Variants in ZNF628 observed in about 807,000 individuals in gnomAD.
ZNF628 encodes zinc finger protein Zec.
In ZNF628, 3 loss-of-function variants were observed where a neutral mutation model predicts 2.5. The observed-to-expected ratio is 1.19, with a 90% CI of 0.54 to 3.07. ZNF628 has a LOEUF of 3.07. Ranked by LOEUF, ZNF628 falls within the 30% of genes most tolerant of loss-of-function variation. ZNF628 has a pLI of 0.03. For missense variants in ZNF628, 1,610 were observed against 1,517.1 expected (o/e 1.06, Z -1.02); for synonymous variants, 861 against 717.1 (o/e 1.20, Z -3.21).
At chr19:55,477,034 A>G (rs1271173263) in intron 1 of ZNF628, among the ~76,000 whole-genome samples, 1 of 152,224 alleles carries the variant, frequency 6.6e-6, no homozygotes, top group Non-Finnish European at 1.5e-5. Context: ...TTTCTGACTT[A>G]AAACAATGTT....
chr19:55,483,544 T>C lies in ZNF628; in HGVS notation c.2351T>C (p.Val784Ala), dbSNP rs1245899568. ...CTGCCAGGCCCTGGGGGTCTAGGGG[T>C]GCAGGGAGCGGCCAGCGCTGGGGCC... ...VWLPGPGGLGVQGAASAGASG... is the reference protein window; with the variant it reads ...VWLPGPGGLGAQGAASAGASG... The change falls in exon 3 of 3, where the codon GTG (valine) becomes GCG (alanine). Residue 784 changes from valine to alanine, a missense_variant. By Grantham distance (64) the Val-to-Ala change is moderately conservative (BLOSUM62 0). Transcript: ENST00000598519. 2.0e-5 allele frequency: 32 copies of C among 1,582,832 alleles called. 1 individual carries two copies. In the Admixed American group the frequency reaches 5.5e-4, roughly 27 times the overall value.
At position 55,481,808 on chromosome 19, in the gene ZNF628, C is replaced by G. The variant is rs1186944415; in HGVS notation, c.615C>G (p.Arg205=). 1.2e-6 allele frequency: 2 copies of G among 1,600,238 alleles called. No individual in the cohort carries two copies. ...QRVHTGERPF[R]CPLCPKTFTH... ...TGCACACGGGCGAGCGGCCCTTCCG[C>G]TGCCCGCTCTGCCCCAAGACCTTCA... The change falls in exon 3 of 3, where the codon CGC becomes CGG. Residue 205 remains arginine, a synonymous_variant. Transcript: ENST00000598519.
rs1986644030 is a variant in ZNF628, at chr19:55,479,359, G to A, written c.-77-475G>A. 6.6e-6 allele frequency among the ~76,000 whole-genome samples: 1 copy of A among 152,366 alleles called. No homozygotes were observed. The highest frequency in any genetic ancestry group is 2.1e-4 in the South Asian group (1 of 4,826). ...GAAAGAGCGGGCTGACACTTGAGCT[G>A]CTCTGCTGTGAAGGAATGGAGAAAC... On this transcript the variant is annotated intron_variant, in intron 1 of 2. Transcript: ENST00000598519. The surrounding 1 kb of genome is among the most constrained non-coding windows in gnomAD (Gnocchi z 5.1).
chr19:55,479,403 G>T lies in ZNF628; in HGVS notation c.-77-431G>T, dbSNP rs1568465841. Among the ~76,000 whole-genome samples, 1 of 152,234 alleles carries T rather than the reference G, an allele frequency of 6.6e-6. No individual in the cohort carries two copies. Among genetic ancestry groups the T allele is most frequent in the African/African-American group, 2.4e-5 (1 of 41,448 alleles). On this transcript the variant is annotated intron_variant, in intron 1 of 2. Transcript: ENST00000598519. The surrounding 1 kb of genome is among the most constrained non-coding windows in gnomAD (Gnocchi z 5.1). ...GAGAAACGAGTCTGCAGCTGGACAG[G>T]GAAGTGGAGTGAAGAGCTTTTTGGT...
rs1466043349 is a variant in ZNF628, at chr19:55,482,468, G to A, written c.1275G>A (p.Glu425=). 2.8e-6 allele frequency: 4 copies of A among 1,424,580 alleles called. No homozygotes were observed. Among genetic ancestry groups the A allele is most frequent in the Admixed American group, 2.9e-5 (1 of 34,476 alleles). The allele number at this position is 1,424,580 out of a possible 1,614,324, so 88.2% of individuals were successfully genotyped here. A position where few individuals can be genotyped will look rare whatever the true frequency, so the allele number is the denominator to read the frequency against. Residue 425 remains glutamate, a synonymous_variant, in exon 3 of 3, where the codon GAG becomes GAA. Transcript: ENST00000598519. ...GRPPPQAEAA[E]VTCPQEPLAP... ...CGCCCCCGCAGGCTGAGGCTGCGGA[G>A]GTGACCTGCCCCCAGGAACCGCTGG...
Position 55,481,868 on chromosome 19 carries a change from G to C in ZNF628, c.675G>C (p.Thr225=). ...HSSNLLLHQR[T]HGAAPAPGTA... is the part of the protein sequence containing the mutation. Reference sequence around the variant, plus strand: ...CCAACCTGCTGCTGCACCAGCGCACGCACGGCGCCGCCCCCGCCCCGGGTA... The same window carrying C: ...CCAACCTGCTGCTGCACCAGCGCACCCACGGCGCCGCCCCCGCCCCGGGTA... The change falls in exon 3 of 3, where the codon ACG becomes ACC. Residue 225 remains threonine (T), a synonymous_variant. Transcript: ENST00000598519. 2 of 1,559,992 alleles carry C rather than the reference G, an allele frequency of 1.3e-6. No individual in the cohort carries two copies. Among genetic ancestry groups the C allele is most frequent in the Non-Finnish European group, 1.7e-6 (2 of 1,155,504 alleles).
At position 55,476,664 on chromosome 19, in the gene ZNF628, GGGGGCCGTTGGGAGGGAGT is replaced by G. The variant is rs1297715798; in HGVS notation, c.-219_-201del. 1.3e-5 allele frequency: 2 copies of G among 152,092 alleles called. No individual in the cohort carries two copies. The highest frequency in any genetic ancestry group is 2.9e-5 in the Non-Finnish European group (2 of 68,000). The allele number at this position is 152,092 out of a possible 1,614,324, so 9.4% of individuals were successfully genotyped here. On this transcript the variant is annotated 5_prime_UTR_variant, in exon 1 of 3. Transcript: ENST00000598519. Reference sequence around the variant, plus strand: ...CGATAAAGGTTGGGTGCCTCGCGCCGGGGGCCGTTGGGAGGGAGTGCGCCCCTGCCCCCCCTCCCCGGTC... The same window carrying G: ...CGATAAAGGTTGGGTGCCTCGCGCCGGCGCCCCTGCCCCCCCTCCCCGGTC...
intron 2 of ZNF628, 38 bp from the exon 3 acceptor site, chr19:55,481,163 T>G (rs541383560): frequency 1.3e-6 from 2 of 1,484,934 alleles, no homozygotes; most frequent in African/African-American, 2.8e-5. Context: ...GATGATCCAG[T>G]GCGGGGGTGA....
At position 55,481,501 on chromosome 19, in the gene ZNF628, G is replaced by T. The variant is rs756754227; in HGVS notation, c.308G>T (p.Arg103Leu). 1 of 1,605,436 alleles carries T rather than the reference G, an allele frequency of 6.2e-7. No homozygotes were observed. Among genetic ancestry groups the T allele is most frequent in the Middle Eastern group, 1.7e-4 (1 of 5,992 alleles). ...QCPDCPKAFK[R>L]SSLLQIHRSV... is the part of the protein sequence containing the mutation. The stretch of plus-strand genomic sequence containing the variant: ...CCCGACTGTCCCAAGGCCTTCAAGC[G>T]CTCCTCTCTGCTGCAGATCCACCGT... The change falls in exon 3 of 3, where the codon CGC (arginine) becomes CTC (leucine). Residue 103 changes from arginine (R) to leucine (L), a missense_variant. By Grantham distance (102) the Arg-to-Leu change is moderately radical. This residue lies in a region of ZNF628 where 166 missense variants were observed against 241.3 expected (regional missense o/e 0.69). Coordinates refer to ENST00000598519, the MANE Select transcript of ZNF628 (RefSeq NM_033113.3).
At chr19:55,481,170 G>T (rs1257058136) in intron 2 of ZNF628, 31 bp from the exon 3 acceptor site, 1 of 1,491,554 alleles carries the variant, frequency 6.7e-7, no homozygotes, top group South Asian at 1.3e-5. Flanking sequence ...CAGTGCGGGG[G>T]TGAGCCGCTG....
At chr19:55,480,884 G>A (rs1384537852) in intron 2 of ZNF628, among the ~76,000 whole-genome samples, 1 of 152,230 alleles carries the variant, frequency 6.6e-6, no homozygotes, top group East Asian at 1.9e-4. Flanking sequence ...TGGAGAGGGA[G>A]GGAGCAGACT....
In ZNF628 at chr19:55,483,180, C is replaced by G. The variant is rs1966925230; in HGVS notation, c.1987C>G (p.Pro663Ala). 6.4e-7 allele frequency: 1 copy of G among 1,550,778 alleles called. No individual in the cohort carries two copies. The highest frequency in any genetic ancestry group is 8.7e-7 in the Non-Finnish European group (1 of 1,155,636). ...TTAPAAGPQP[P>A]APLAAARAPP... is the part of the protein sequence containing the mutation. ...AGCCCCTGCCGCCGGCCCCCAGCCC[C>G]CTGCTCCACTGGCTGCTGCGCGGGC... is the stretch of plus-strand genomic sequence containing the variant. Residue 663 changes from proline (P) to alanine (A), a missense_variant, in exon 3 of 3, where the codon CCT (proline) becomes GCT (alanine). Around this residue, in one of 5 missense-constraint regions of ZNF628, gnomAD observed 712 missense variants for 603.6 expected, o/e 1.18. Transcript: ENST00000598519.
chr19:55,481,668 A>G lies in ZNF628; in HGVS notation c.475A>G (p.Asn159Asp). The G allele has an allele frequency of 6.2e-7, 1 of 1,607,918 alleles. No individual in the cohort carries two copies. The highest frequency in any genetic ancestry group is 8.5e-7 in the Non-Finnish European group (1 of 1,178,090). ...PCPDCPKAFK[N>D]SSSLRRHRHV... ...CCCGGACTGCCCCAAGGCCTTCAAG[A>G]ACTCGTCCAGCCTGCGGCGCCACCG... Residue 159 changes from asparagine to aspartate, a missense_variant, in exon 3 of 3, where the codon AAC becomes GAC. Asn to Asp is a conservative substitution (Grantham distance 23). Transcript: ENST00000598519.
intron 2 of ZNF628, among the ~76,000 whole-genome samples, chr19:55,480,496 C>G (rs1986672010): frequency 6.6e-6 from 1 of 152,186 alleles, no homozygotes; most frequent in South Asian, 2.1e-4. Context: ...TCTTGGCTCA[C>G]TGAAACCTCC....
In ZNF628 at chr19:55,484,259, G is replaced by C; in HGVS notation, c.3066G>C (p.Gln1022His). ...PAGLPGAPASQMVQVVPAGAG... is the reference protein window; with the variant it reads ...PAGLPGAPASHMVQVVPAGAG... ...GGCTCCCCGGGGCTCCAGCCTCCCA[G>C]ATGGTGCAAGTGGTCCCCGCAGGAG... The change falls in exon 3 of 3, where the codon CAG becomes CAC. Residue 1022 changes from glutamine (Q) to histidine (H), a missense_variant. Physicochemically the swap from Gln to His is conservative, Grantham distance 24. This residue lies in a region of ZNF628 where 712 missense variants were observed against 603.6 expected (regional missense o/e 1.18). Transcript: ENST00000598519. 6.5e-7 allele frequency: 1 copy of C among 1,548,300 alleles called. No individual in the cohort carries two copies. The highest frequency in any genetic ancestry group is 8.7e-7 in the Non-Finnish European group (1 of 1,145,966).
Position 55,482,726 on chromosome 19 carries a change from C to G in ZNF628, c.1533C>G (p.Thr511=), listed in dbSNP as rs1286355294. 2 of 1,612,604 alleles carry G rather than the reference C, an allele frequency of 1.2e-6. No homozygotes were observed. The highest frequency in any genetic ancestry group is 2.2e-5 in the South Asian group (2 of 91,056). Residue 511 remains threonine (T), a synonymous_variant, in exon 3 of 3, where the codon ACC becomes ACG. Transcript: ENST00000598519. The part of the protein sequence containing the change: ...QRVHTGLRAF[T]CGQCGLTFKW... ...TGCACACGGGCCTGCGGGCCTTCACCTGTGGCCAGTGCGGCCTCACCTTCA... is the reference window on the plus strand; with the variant it reads ...TGCACACGGGCCTGCGGGCCTTCACGTGTGGCCAGTGCGGCCTCACCTTCA...
At chr19:55,476,949 A>T (rs1347982294) in intron 1 of ZNF628, 142 bp downstream of exon 1, 2 of 151,822 alleles carry the variant, frequency 1.3e-5, no homozygotes, top group Non-Finnish European at 2.9e-5. Flanking sequence ...TTTGCCAGCT[A>T]GGCCGGGTCC....
At position 55,481,722 on chromosome 19, in the gene ZNF628, A is replaced by C; in HGVS notation, c.529A>C (p.Thr177Pro). The C allele has an allele frequency of 1.7e-5, 27 of 1,610,594 alleles. No individual in the cohort carries two copies. Among genetic ancestry groups the C allele is most frequent in the Non-Finnish European group, 2.2e-5 (26 of 1,178,910 alleles). Residue 177 changes from threonine (T) to proline (P), a missense_variant, in exon 3 of 3, where the codon ACC becomes CCC. Transcript: ENST00000598519. Reference sequence around the variant, plus strand: ...CGTGCACACCGGCGAGCGGCCCTACACCTGTGGAGTCTGCGGGAAGAGCTT... The same window carrying C: ...CGTGCACACCGGCGAGCGGCCCTACCCCTGTGGAGTCTGCGGGAAGAGCTT... The part of the protein sequence containing the change: ...RHVHTGERPY[T>P]CGVCGKSFTQ...
chr19:55,477,228 C>T (rs1986575401), intron 1 of ZNF628, among the ~76,000 whole-genome samples: 2 of 152,106 alleles, frequency 1.3e-5, no homozygotes, highest in South Asian at 2.1e-4. Flanking sequence ...GGGTGTGGCG[C>T]GGCCTTTTAA....
Sources: gnomAD v4.1 joint callset for allele counts (sites outside exome capture counted in the v4.1 genomes callset) on GRCh38, gnomAD v4.1.1 for gene constraint, gnomAD v4.1.1 regional missense constraint, Gnocchi (gnomAD v3.1) non-coding constraint, MANE v1.5 for transcripts, NCBI Gene and HGNC (gene_info 2026-07-23, HGNC 2026-07-21) for gene names.